Variants in FOXP1 observed in about 807,000 individuals in gnomAD.
FOXP1 encodes forkhead box protein P1.
In FOXP1, 15 loss-of-function variants were observed where a neutral mutation model predicts 98.2. The ratio of observed to expected loss-of-function variants is 0.15; its 90% CI spans 0.10 to 0.24. The LOEUF (loss-of-function observed/expected upper bound fraction) is 0.24, where lower values mean the gene tolerates loss of function less well. Among genes scored for constraint, FOXP1 ranks in the 10% least tolerant of loss-of-function variants. The pLI is 1.00. For missense variants in FOXP1, 633 were observed against 848.5 expected, an observed-to-expected ratio of 0.75 and a Z score of 3.15; for synonymous variants, 371 against 314.5, an observed-to-expected ratio of 1.18 and a Z score of -1.90.
intron 2 of FOXP1, among the ~76,000 whole-genome samples, chr3:71,548,487 C>A (rs796907648): frequency 5.9e-5 from 9 of 152,208 alleles, no homozygotes; most frequent in African/African-American, 2.2e-4. Context: ...CTTGATGCAA[C>A]CTCAACCGTC....
At chr3:70,975,056 G>A (rs1216084080) in intron 17 of FOXP1, among the ~76,000 whole-genome samples, 4 of 152,108 alleles carry the variant, frequency 2.6e-5, no homozygotes, top group Non-Finnish European at 5.9e-5. Flanking sequence ...ACAAGGACAC[G>A]TACAGAAAAT....
chr3:70,986,061 A>G (rs2039675731), intron 14 of FOXP1, among the ~76,000 whole-genome samples: 1 of 152,262 alleles, frequency 6.6e-6, no homozygotes, highest in Non-Finnish European at 1.5e-5. Flanking sequence ...AGCAGTTAAA[A>G]ATAAATTTAG....
intron 5 of FOXP1, among the ~76,000 whole-genome samples, chr3:71,260,169 C>G (rs894408323): frequency 6.6e-5 from 10 of 152,216 alleles, no homozygotes; most frequent in African/African-American, 2.2e-4. Flanking sequence ...ATTTTTAGTA[C>G]AGGCGGGGTT....
chr3:71,561,502 G>C (rs1460400094), intron 2 of FOXP1, among the ~76,000 whole-genome samples: 3 of 151,578 alleles, frequency 2.0e-5, no homozygotes, highest in Non-Finnish European at 2.9e-5. Context: ...AGATGAAATA[G>C]GAAAAGATCG....
chr3:71,152,088 T>C lies in FOXP1; in HGVS notation c.181-39451A>G, dbSNP rs189520052. Among the ~76,000 whole-genome samples, 738 of 152,262 alleles carry C rather than the reference T, an allele frequency of 4.8e-3. 2 individuals are homozygous for C. The highest frequency in any genetic ancestry group is 7.6e-3 in the Admixed American group (116 of 15,290). ...CTTTTCCTCTGTGGGCCTGGCCTAA[T>C]TAGGTGAGCCCCTTCAAAGAGGGTC... On this transcript the variant is annotated intron_variant, in intron 6 of 20. Transcript: ENST00000649528.
At chr3:71,128,762 A>T (rs2059387881) in intron 6 of FOXP1, among the ~76,000 whole-genome samples, 2 of 152,282 alleles carry the variant, frequency 1.3e-5, no homozygotes, top group Middle Eastern at 6.8e-3. Context: ...AGCTAAATTA[A>T]TGAACCAAGT....
intron 7 of FOXP1, among the ~76,000 whole-genome samples, chr3:71,088,033 G>A (rs2055331094): frequency 6.6e-6 from 1 of 152,186 alleles, no homozygotes; most frequent in African/African-American, 2.4e-5. Context: ...GCTAAGCCAG[G>A]GCTGTAAGAC....
chr3:71,008,578 TAGA>T (rs1266786005), intron 12 of FOXP1, among the ~76,000 whole-genome samples: 9 of 151,986 alleles, frequency 5.9e-5, no homozygotes. Context: ...TCATGGTTGA[TAGA>T]TTAAAAAAAA....
intron 12 of FOXP1, among the ~76,000 whole-genome samples, chr3:71,007,036 T>C (rs2042895801): frequency 6.6e-6 from 1 of 152,154 alleles, no homozygotes; most frequent in African/African-American, 2.4e-5. Flanking sequence ...TAGGCCACTT[T>C]GACCTCTTCG....
intron 6 of FOXP1, among the ~76,000 whole-genome samples, chr3:71,152,752 T>C (rs548487894): frequency 2.0e-5 from 3 of 152,200 alleles, no homozygotes; most frequent in Admixed American, 6.5e-5. Context: ...GAGACAACAC[T>C]CAGAAGGCAG....
At chr3:71,158,461 G>C (rs2060962108) in intron 6 of FOXP1, among the ~76,000 whole-genome samples, 1 of 152,084 alleles carries the variant, frequency 6.6e-6, no homozygotes, top group East Asian at 1.9e-4. Flanking sequence ...CCTAAGGTAT[G>C]GATGACAAAG....
At chr3:71,201,810 A>C (rs1245090292) in intron 5 of FOXP1, among the ~76,000 whole-genome samples, 1 of 152,174 alleles carries the variant, frequency 6.6e-6, no homozygotes, top group Non-Finnish European at 1.5e-5. Flanking sequence ...ATATGTATAT[A>C]TATAGATATT....
At chr3:71,107,474 C>T (rs1384187207) in intron 7 of FOXP1, among the ~76,000 whole-genome samples, 1 of 152,032 alleles carries the variant, frequency 6.6e-6, no homozygotes, top group African/African-American at 2.4e-5. Flanking sequence ...CTTATCGAGA[C>T]TTATTTTTAG....
At chr3:70,997,295 C>T (rs2041515586) in intron 13 of FOXP1, among the ~76,000 whole-genome samples, 1 of 152,122 alleles carries the variant, frequency 6.6e-6, no homozygotes. Flanking sequence ...GACTGGTAGT[C>T]AAGTAAGTTA....
chr3:71,424,546 C>T (rs533528505), intron 3 of FOXP1, among the ~76,000 whole-genome samples: 2 of 152,130 alleles, frequency 1.3e-5, no homozygotes, highest in East Asian at 3.9e-4. Context: ...TGTAAGAACA[C>T]TGGGGACCAC....
chr3:71,506,979 A>C (rs1236414339), intron 2 of FOXP1, among the ~76,000 whole-genome samples: 3 of 152,188 alleles, frequency 2.0e-5, no homozygotes, highest in Non-Finnish European at 4.4e-5. Context: ...ATGCCTAGTC[A>C]ACCAGCAACG....
intron 3 of FOXP1, among the ~76,000 whole-genome samples, chr3:71,379,702 G>A (rs2079997850): frequency 6.6e-6 from 1 of 152,148 alleles, no homozygotes; most frequent in Non-Finnish European, 1.5e-5. Context: ...GTTTTGTTGG[G>A]ACACCACCAT....
At chr3:71,122,489 T>A (rs2058848302) in intron 6 of FOXP1, among the ~76,000 whole-genome samples, 2 of 152,324 alleles carry the variant, frequency 1.3e-5, no homozygotes, top group South Asian at 4.1e-4. Context: ...TTCGAATAGC[T>A]AAGATTGTAT....
At chr3:71,412,266 G>C (rs572954680) in intron 3 of FOXP1, among the ~76,000 whole-genome samples, 1 of 152,122 alleles carries the variant, frequency 6.6e-6, no homozygotes, top group Admixed American at 6.5e-5. Flanking sequence ...CAGATGCTTT[G>C]CCTGGAACTC....
Sources: allele counts gnomAD v4.1 joint callset (sites outside exome capture counted in the v4.1 genomes callset), GRCh38; gene constraint gnomAD v4.1.1; transcripts MANE v1.5; gene names NCBI Gene and HGNC (gene_info 2026-07-23, HGNC 2026-07-21).